CA10: variants seen among roughly 807,000 people sequenced by gnomAD.
The protein encoded by CA10 is carbonic anhydrase-related protein 10.
In CA10, 14 loss-of-function variants were observed where a neutral mutation model predicts 44.2. That is an observed-to-expected ratio of 0.32 (90% CI 0.21 to 0.50). The LOEUF is 0.50. Ranked by LOEUF, CA10 falls within the 20% of genes least tolerant of loss-of-function variation. The probability of loss-of-function intolerance (pLI) is 0.99; values close to 1 mark genes in which losing one functional copy is unlikely to be tolerated. For missense variants in CA10, 350 were observed against 409.7 expected, an observed-to-expected ratio of 0.85 and a Z score of 1.26; for synonymous variants, 159 against 141.6, an observed-to-expected ratio of 1.12 and a Z score of -0.87.
At chr17:51,710,251 C>T (rs1915891479) in intron 4 of CA10, among the ~76,000 whole-genome samples, 1 of 152,148 alleles carries the variant, frequency 6.6e-6, no homozygotes, top group Non-Finnish European at 1.5e-5. Context: ...AGAATTGTCT[C>T]AGGAGGGACC....
intron 3 of CA10, among the ~76,000 whole-genome samples, chr17:51,849,233 GTATATATATATATATA>G (rs1217693250): frequency 2.5e-4 from 10 of 39,904 alleles, no homozygotes; most frequent in South Asian, 9.3e-4. Context: ...ATATGTGTGT[GTATATATATATATATA>G]TATATATATA....
intron 3 of CA10, among the ~76,000 whole-genome samples, chr17:51,827,413 T>C (rs913385967): frequency 2.4e-4 from 37 of 151,930 alleles, no homozygotes; most frequent in African/African-American, 8.2e-4. Flanking sequence ...ATAAAATGTA[T>C]CACTAAAGAT....
intron 2 of CA10, among the ~76,000 whole-genome samples, chr17:51,957,557 A>G (rs956821307): frequency 2.0e-5 from 3 of 152,152 alleles, no homozygotes; most frequent in African/African-American, 4.8e-5. Context: ...GTGAAGGCCA[A>G]GTTGTAACCA....
chr17:52,006,550 C>A (rs971904346), intron 2 of CA10, among the ~76,000 whole-genome samples: 2 of 151,660 alleles, frequency 1.3e-5, no homozygotes, highest in Non-Finnish European at 2.9e-5. Flanking sequence ...TAATCAAGGT[C>A]CCAAAGCTGT....
At chr17:51,945,013 C>T (rs1032083817) in intron 2 of CA10, among the ~76,000 whole-genome samples, 2 of 152,016 alleles carry the variant, frequency 1.3e-5, no homozygotes, top group Non-Finnish European at 2.9e-5. Context: ...GGTGGTACAC[C>T]CTCCCCTTGT....
At position 51,749,677 on chromosome 17, in the gene CA10, A is replaced by G. The variant is rs1324364166; in HGVS notation, c.280-1859T>C. ...TCTTTCTCCTGTGAAATCTGGAACTATCAACAGAAACTCTCCGTTGAGTTC... is the reference window on the plus strand; with the variant it reads ...TCTTTCTCCTGTGAAATCTGGAACTGTCAACAGAAACTCTCCGTTGAGTTC... On this transcript the variant is annotated intron_variant, in intron 3 of 8. Coordinates refer to ENST00000451037, the MANE Select transcript of CA10 (RefSeq NM_020178.5). Among the ~76,000 whole-genome samples the G allele has an allele frequency of 3.3e-5, 5 of 152,340 alleles. No individual in the cohort carries two copies. In the East Asian group the frequency reaches 5.8e-4, roughly 18 times the overall value.
At position 51,770,966 on chromosome 17, in the gene CA10, A is replaced by C. The variant is rs573060520; in HGVS notation, c.280-23148T>G. 2.0e-5 allele frequency among the ~76,000 whole-genome samples: 3 copies of C among 151,858 alleles called. No individual in the cohort carries two copies. The East Asian group carries it at 5.9e-4, about 30-fold the overall frequency. ...TGGTGAAACCCCATCTCTACTAAAA[A>C]TACAAAAATTAGCCTGGCGTGGTGG... is the stretch of plus-strand genomic sequence containing the variant. On this transcript the variant is annotated intron_variant, in intron 3 of 8. Transcript: ENST00000451037.
At chr17:52,155,868 C>T (rs1989793098) in intron 1 of CA10, among the ~76,000 whole-genome samples, 1 of 152,202 alleles carries the variant, frequency 6.6e-6, no homozygotes, top group Admixed American at 6.5e-5. Context: ...GGAAATCCCC[C>T]TCCTAATGCT....
In CA10 at chr17:51,821,550, C is replaced by T. The variant is rs114681333; in HGVS notation, c.280-73732G>A. On this transcript the variant is annotated intron_variant, in intron 3 of 8. Coordinates refer to ENST00000451037, the MANE Select transcript of CA10 (RefSeq NM_020178.5). The stretch of plus-strand genomic sequence containing the variant: ...CTAATTTGAATAGCCTCCTAATTGG[C>T]TTTCCTGCTTTTACATTCACTCCCA... Among the ~76,000 whole-genome samples, 1,255 of 152,108 alleles carry T rather than the reference C, an allele frequency of 8.3e-3. 31 individuals are homozygous for T. The highest frequency in any genetic ancestry group is 0.029 in the African/African-American group (1,190 of 41,428).
At chr17:51,796,280 C>T (rs1271415859) in intron 3 of CA10, among the ~76,000 whole-genome samples, 1 of 152,008 alleles carries the variant, frequency 6.6e-6, no homozygotes, top group East Asian at 1.9e-4. Flanking sequence ...TCTGCGATCT[C>T]ATGGAAGTTA....
chr17:51,844,725 G>A (rs1410491562), intron 3 of CA10, among the ~76,000 whole-genome samples: 1 of 152,140 alleles, frequency 6.6e-6, no homozygotes, highest in East Asian at 1.9e-4. Context: ...CCACAAAAGA[G>A]GCAGAGCCTA....
At chr17:51,750,480 T>C (rs12603449) in intron 3 of CA10, among the ~76,000 whole-genome samples, 27,487 of 147,906 alleles carry the variant, frequency 0.19, 2,789 homozygotes, top group East Asian at 0.35. Context: ...TAGCTGATTG[T>C]TGAATCTTTA....
In CA10 at chr17:51,838,917, G is replaced by A. The variant is rs926042480; in HGVS notation, c.280-91099C>T. ...CTTTATAGACTCTATGAATAATAAA[G>A]CTATTTTGTTTTCATTTTTTATTTT... On this transcript the variant is annotated intron_variant, in intron 3 of 8. Coordinates refer to ENST00000451037, the MANE Select transcript of CA10 (RefSeq NM_020178.5). Among the ~76,000 whole-genome samples, 10 of 152,120 alleles carry A rather than the reference G, an allele frequency of 6.6e-5. No individual in the cohort carries two copies. The East Asian group carries it at 9.6e-4, about 15-fold the overall frequency.
At chr17:52,026,223 T>G (rs985216203) in intron 2 of CA10, among the ~76,000 whole-genome samples, 1 of 152,118 alleles carries the variant, frequency 6.6e-6, no homozygotes, top group African/African-American at 2.4e-5. Flanking sequence ...AGGGGCCCCA[T>G]GCAGCTGAGG....
chr17:51,965,353 A>T (rs150227437), intron 2 of CA10, among the ~76,000 whole-genome samples: 1 of 152,114 alleles, frequency 6.6e-6, no homozygotes, highest in East Asian at 1.9e-4. Context: ...ATCAAGGAGG[A>T]AGGACTCTTC....
chr17:51,916,997 C>T (rs1982025813), intron 3 of CA10, among the ~76,000 whole-genome samples: 1 of 152,148 alleles, frequency 6.6e-6, no homozygotes, highest in Non-Finnish European at 1.5e-5. Flanking sequence ...CTTTTTAAGG[C>T]CACTAGACAT....
intron 1 of CA10, among the ~76,000 whole-genome samples, chr17:52,098,692 G>A (rs369685677): frequency 5.3e-5 from 8 of 152,254 alleles, no homozygotes; most frequent in East Asian, 3.9e-4. Context: ...GGCTAGTGAC[G>A]TCGGGAGGGG....
At chr17:51,916,377 T>C (rs1016884836) in intron 3 of CA10, among the ~76,000 whole-genome samples, 3 of 152,218 alleles carry the variant, frequency 2.0e-5, no homozygotes, top group Non-Finnish European at 2.9e-5. Context: ...GGTTTGGCTT[T>C]GTCCCCACCC....
At chr17:51,822,689 A>G (rs1907859470) in intron 3 of CA10, among the ~76,000 whole-genome samples, 1 of 152,212 alleles carries the variant, frequency 6.6e-6, no homozygotes, top group Non-Finnish European at 1.5e-5. Flanking sequence ...AATGTGTAGC[A>G]TGGTGCACTA....
Sources: gnomAD v4.1 joint callset for allele counts (sites outside exome capture counted in the v4.1 genomes callset) on GRCh38, gnomAD v4.1.1 for gene constraint, MANE v1.5 for transcripts, NCBI Gene and HGNC (gene_info 2026-07-23, HGNC 2026-07-21) for gene names.